TENM4: variants seen among roughly 807,000 people sequenced by gnomAD.
TENM4 encodes teneurin transmembrane protein 4, also known as teneurin-4.
TENM4 carries 82 observed loss-of-function variants against 243.3 expected under a neutral mutation model. The ratio of observed to expected loss-of-function variants is 0.34; its 90% CI spans 0.28 to 0.40. The LOEUF is 0.40. Ranked by LOEUF, TENM4 falls within the 10% of genes least tolerant of loss-of-function variation. TENM4 has a pLI of 1.00. For missense variants in TENM4, 3,138 were observed against 3,673.3 expected, an observed-to-expected ratio of 0.85 and a Z score of 3.77; for synonymous variants, 1,412 against 1,456.3, an observed-to-expected ratio of 0.97 and a Z score of 0.69.
At chr11:78,692,172 T>C (rs999118021) in intron 28 of TENM4, among the ~76,000 whole-genome samples, 1 of 152,234 alleles carries the variant, frequency 6.6e-6, no homozygotes, top group Non-Finnish European at 1.5e-5. Context: ...GTGACAGTTT[T>C]CATTATGGGA....
chr11:79,016,165 A>G (rs1445164917), intron 6 of TENM4, among the ~76,000 whole-genome samples: 1 of 152,224 alleles, frequency 6.6e-6, no homozygotes, highest in Non-Finnish European at 1.5e-5. Context: ...AGTGGAACAC[A>G]ATGATGCTCT....
intron 2 of TENM4, among the ~76,000 whole-genome samples, chr11:79,235,381 G>C (rs181050240): frequency 1.2e-4 from 18 of 152,254 alleles, no homozygotes; most frequent in African/African-American, 4.1e-4. Flanking sequence ...TGGCCCCCCT[G>C]TAGAGTACAA....
chr11:78,840,608 G>C (rs58040109), intron 12 of TENM4, among the ~76,000 whole-genome samples: 4,029 of 152,246 alleles, frequency 0.026, 139 homozygotes, highest in African/African-American at 0.084. Context: ...CTAAATCTTT[G>C]CTTAATTGTA....
intron 20 of TENM4, among the ~76,000 whole-genome samples, chr11:78,737,087 G>A (rs1458118010): frequency 6.6e-6 from 1 of 152,240 alleles, no homozygotes; most frequent in Non-Finnish European, 1.5e-5. Context: ...TCACAGGAGT[G>A]ACTGGCAAGT....
At chr11:78,730,006 C>G (rs971535385) in intron 21 of TENM4, among the ~76,000 whole-genome samples, 2 of 152,200 alleles carry the variant, frequency 1.3e-5, no homozygotes, top group Non-Finnish European at 2.9e-5. Context: ...ACTCATTTCA[C>G]TGCAGTTTTG....
At chr11:78,674,783 C>A (rs1279852036) in intron 30 of TENM4, among the ~76,000 whole-genome samples, 2 of 152,078 alleles carry the variant, frequency 1.3e-5, no homozygotes, top group Non-Finnish European at 2.9e-5. Context: ...GTTGAGGGAA[C>A]AAACGAAGCC....
Position 79,159,164 on chromosome 11 carries a change from T to A in TENM4, c.-162-10358A>T, listed in dbSNP as rs147553523. On this transcript the variant is annotated intron_variant, in intron 3 of 33. Transcript: ENST00000278550. ...AGAGGGGGGCTCTACATGGCCCTCA[T>A]CTGTGATATGAGCAGGAAACGCATC... 5.4e-4 allele frequency among the ~76,000 whole-genome samples: 82 copies of A among 152,276 alleles called. No homozygotes were observed. The East Asian group carries it at 0.011, about 20-fold the overall frequency.
intron 7 of TENM4, among the ~76,000 whole-genome samples, chr11:78,899,025 G>C (rs1855860819): frequency 6.6e-6 from 1 of 152,100 alleles, no homozygotes; most frequent in Admixed American, 6.5e-5. Context: ...ACAAATTCTT[G>C]GACACTTTTT....
intron 1 of TENM4, among the ~76,000 whole-genome samples, chr11:79,375,608 A>G (rs1319758692): frequency 6.6e-6 from 1 of 152,230 alleles, no homozygotes; most frequent in Admixed American, 6.5e-5. Flanking sequence ...CTTTCACTCA[A>G]CATATATCTA....
chr11:79,165,311 T>A (rs1167818625), intron 3 of TENM4, among the ~76,000 whole-genome samples: 1 of 152,152 alleles, frequency 6.6e-6, no homozygotes, highest in African/African-American at 2.4e-5. Context: ...TCTATTACTT[T>A]TTGATGTTTT....
chr11:78,893,798 C>CACACACACACACACACACACAG, intron 7 of TENM4, among the ~76,000 whole-genome samples: 1 of 151,612 alleles, frequency 6.6e-6, no homozygotes. Context: ...CACACACACA[C>CACACACACACACACACACACAG]ACTCCTCTCT....
intron 19 of TENM4, among the ~76,000 whole-genome samples, chr11:78,752,682 T>G (rs1856217422): frequency 6.6e-6 from 1 of 152,166 alleles, no homozygotes. Flanking sequence ...TGCCTCCCCA[T>G]CAGAAATTCC....
At chr11:78,709,043 C>G (rs1016492747) in intron 26 of TENM4, among the ~76,000 whole-genome samples, 1 of 150,330 alleles carries the variant, frequency 6.7e-6, no homozygotes, top group East Asian at 1.9e-4. Context: ...TCTCGGCTCA[C>G]TGCAACCTCT....
chr11:78,778,748 C>A (rs1573527), intron 16 of TENM4, 120 bp from the exon 17 acceptor site: 495,279 of 830,044 alleles, frequency 0.6, 159,695 homozygotes, highest in Non-Finnish European at 0.68. Flanking sequence ...TGGGACAGGC[C>A]TATGCCATGG....
intron 3 of TENM4, among the ~76,000 whole-genome samples, chr11:79,151,599 T>A (rs1862513729): frequency 6.6e-6 from 1 of 152,010 alleles, no homozygotes; most frequent in Admixed American, 6.6e-5. Context: ...CTTTCCGAGG[T>A]TACTAAACTA....
intron 7 of TENM4, among the ~76,000 whole-genome samples, chr11:78,891,608 G>A (rs748065819): frequency 1.1e-4 from 16 of 152,166 alleles, no homozygotes; most frequent in Non-Finnish European, 1.8e-4. Context: ...ACATGTGTCC[G>A]GGACTGAGCT....
chr11:78,788,367 A>C (rs1375410943), intron 15 of TENM4, among the ~76,000 whole-genome samples: 1 of 152,258 alleles, frequency 6.6e-6, no homozygotes, highest in Non-Finnish European at 1.5e-5. Flanking sequence ...GGTACTTATT[A>C]CGTGCAGTAA....
chr11:78,799,859 G>A (rs1036622617), intron 15 of TENM4, among the ~76,000 whole-genome samples: 1 of 152,230 alleles, frequency 6.6e-6, no homozygotes, highest in Non-Finnish European at 1.5e-5. Flanking sequence ...AAAATATAGG[G>A]AGAGGGCCCT....
At chr11:78,719,065 T>TTAC (rs1245593563) in intron 25 of TENM4, among the ~76,000 whole-genome samples, 2 of 152,142 alleles carry the variant, frequency 1.3e-5, no homozygotes, top group East Asian at 1.9e-4. Flanking sequence ...ATCATTATTA[T>TTAC]TACTACTACT....
Sources: allele counts gnomAD v4.1 joint callset (sites outside exome capture counted in the v4.1 genomes callset), GRCh38; gene constraint gnomAD v4.1.1; transcripts MANE v1.5; gene names NCBI Gene and HGNC (gene_info 2026-07-23, HGNC 2026-07-21).